Variants in HPSE2 observed in about 807,000 individuals in gnomAD.
HPSE2 encodes heparanase 2 (inactive).
HPSE2 carries 38 observed loss-of-function variants against 60.5 expected under a neutral mutation model. That is an observed-to-expected ratio of 0.63 (90% confidence interval 0.48 to 0.82). HPSE2 has a LOEUF of 0.82. Ranked by LOEUF, HPSE2 falls within the 40% of genes least tolerant of loss-of-function variation. The probability of loss-of-function intolerance (pLI) is 0.00; values close to 1 mark genes in which losing one functional copy is unlikely to be tolerated. For synonymous variants in HPSE2, 295 were observed against 293.2 expected (o/e 1.01, Z -0.06); for missense variants, 713 against 740.4 (o/e 0.96, Z 0.43).
At chr10:98,573,566 G>A (rs139338334) in intron 9 of HPSE2, among the ~76,000 whole-genome samples, 10 of 152,242 alleles carry the variant, frequency 6.6e-5, no homozygotes, top group Non-Finnish European at 1.0e-4. Context: ...GGGTGAGAGC[G>A]TTTCCCGCTT....
chr10:99,251,851 ACTCT>A, the HPSE2 span, among the ~76,000 whole-genome samples: 1 of 122,234 alleles, frequency 8.2e-6, no homozygotes, highest in Admixed American at 1.0e-4. Context: ...ATAGTGAGAT[ACTCT>A]CTCTACCAAA....
intron 2 of HPSE2, among the ~76,000 whole-genome samples, chr10:99,184,807 TATATATATATATAGAGAGAGAGAGAGAG>T (rs1418529383): frequency 8.3e-5 from 3 of 36,176 alleles, no homozygotes; most frequent in East Asian, 7.9e-4. Flanking sequence ...TATATATATA[TATATATATATATAGAGAGAGAGAGAGAG>T]AGAGAGAGAG....
intron 9 of HPSE2, among the ~76,000 whole-genome samples, chr10:98,606,917 GC>G (rs1340625628): frequency 3.3e-5 from 5 of 152,118 alleles, no homozygotes; most frequent in Non-Finnish European, 7.4e-5. Flanking sequence ...ACATCGTTGT[GC>G]CCTTAATGTT....
intron 3 of HPSE2, among the ~76,000 whole-genome samples, chr10:99,024,929 A>C (rs1169869531): frequency 6.6e-6 from 1 of 152,198 alleles, no homozygotes; most frequent in African/African-American, 2.4e-5. Context: ...GAAGTTCTTC[A>C]ATCAGAAAGA....
At chr10:98,924,903 G>A (rs1954402090) in intron 3 of HPSE2, among the ~76,000 whole-genome samples, 1 of 152,192 alleles carries the variant, frequency 6.6e-6, no homozygotes, top group African/African-American at 2.4e-5. Context: ...CCACTGGGAT[G>A]GGTGACCCCC....
At chr10:98,900,490 C>A (rs1212908358) in intron 3 of HPSE2, among the ~76,000 whole-genome samples, 1 of 152,014 alleles carries the variant, frequency 6.6e-6, no homozygotes, top group Non-Finnish European at 1.5e-5. Context: ...CATGTTCATA[C>A]AAATGTATGA....
In HPSE2 at chr10:98,933,090, TGTGA is replaced by T. The variant is rs1426072796; in HGVS notation, c.611-189038_611-189035del. Among the ~76,000 whole-genome samples the T allele has an allele frequency of 2.8e-5, 4 of 144,222 alleles. 1 individual carries two copies. The highest frequency in any genetic ancestry group is 5.6e-5 in the African/African-American group (2 of 35,490). The allele number at this position is 144,222 out of a possible 152,430, so 94.6% of individuals were successfully genotyped here. ...ATTTGAGATCTTTCTAGCTTTTTGA[TGTGA>T]GTATTTAGTACTATAGATTTCCCTC... On this transcript the variant is annotated intron_variant, in intron 3 of 11. Coordinates refer to ENST00000370552, the MANE Select transcript of HPSE2 (RefSeq NM_021828.5).
At chr10:99,168,310 T>G (rs2133793450) in intron 2 of HPSE2, among the ~76,000 whole-genome samples, 1 of 152,330 alleles carries the variant, frequency 6.6e-6, no homozygotes, top group African/African-American at 2.4e-5. Flanking sequence ...TCATAGGTAC[T>G]TTGAGTTCTG....
chr10:98,904,876 T>C (rs1953765487), intron 3 of HPSE2, among the ~76,000 whole-genome samples: 1 of 152,192 alleles, frequency 6.6e-6, no homozygotes, highest in South Asian at 2.1e-4. Flanking sequence ...TAATCTGAAA[T>C]GACATACTCA....
chr10:98,925,645 A>T (rs1954433923), intron 3 of HPSE2, among the ~76,000 whole-genome samples: 1 of 152,160 alleles, frequency 6.6e-6, no homozygotes. Flanking sequence ...AGCACATTAG[A>T]GTTTCATGAG....
chr10:98,804,537 A>T (rs1950996364), intron 3 of HPSE2, among the ~76,000 whole-genome samples: 1 of 152,180 alleles, frequency 6.6e-6, no homozygotes, highest in Non-Finnish European at 1.5e-5. Context: ...ATGGGGCTCA[A>T]CATCATTGAT....
chr10:98,747,880 A>G (rs969247215), intron 3 of HPSE2, among the ~76,000 whole-genome samples: 1 of 152,184 alleles, frequency 6.6e-6, no homozygotes, highest in African/African-American at 2.4e-5. Context: ...CCTTCATAGC[A>G]TCTAACACAC....
At chr10:98,929,837 A>G (rs1954592335) in intron 3 of HPSE2, among the ~76,000 whole-genome samples, 1 of 143,998 alleles carries the variant, frequency 6.9e-6, no homozygotes, top group East Asian at 2.0e-4. Context: ...TGAATATTTC[A>G]TGACACAGAA....
intron 3 of HPSE2, among the ~76,000 whole-genome samples, chr10:99,037,694 C>G (rs1957641738): frequency 2.6e-5 from 4 of 151,844 alleles, no homozygotes; most frequent in Admixed American, 2.6e-4. Flanking sequence ...AGACTTGCAT[C>G]AACCAATGAT....
intron 11 of HPSE2, among the ~76,000 whole-genome samples, chr10:98,464,465 G>T (rs867037715): frequency 4.6e-5 from 7 of 152,292 alleles, no homozygotes; most frequent in Middle Eastern, 3.4e-3. Context: ...TAACTGCAAT[G>T]GATCCTTGCA....
At chr10:98,662,341 G>A (rs1412742782) in intron 6 of HPSE2, among the ~76,000 whole-genome samples, 1 of 152,098 alleles carries the variant, frequency 6.6e-6, no homozygotes, top group Non-Finnish European at 1.5e-5. Context: ...TTAATCTAGG[G>A]TTTCACAAAT....
intron 2 of HPSE2, among the ~76,000 whole-genome samples, chr10:99,191,296 C>T (rs1848214232): frequency 6.6e-6 from 1 of 152,072 alleles, no homozygotes; most frequent in South Asian, 2.1e-4. Context: ...TGACCATGAA[C>T]TGTCACCGAG....
At position 99,204,701 on chromosome 10, in the gene HPSE2, G is replaced by C. The variant is rs538374100; in HGVS notation, c.448+27647C>G. Among the ~76,000 whole-genome samples, 6 of 152,210 alleles carry C rather than the reference G, an allele frequency of 3.9e-5. No homozygotes were observed. In the South Asian group the frequency reaches 1.2e-3, roughly 32 times the overall value. On this transcript the variant is annotated intron_variant, in intron 2 of 11. Coordinates refer to ENST00000370552, the MANE Select transcript of HPSE2 (RefSeq NM_021828.5). ...AACTCCATGGGTTCAACTATATGCA[G>C]ATTTTTTGAATAAATATATGGAAAC...
intron 7 of HPSE2, among the ~76,000 whole-genome samples, chr10:98,622,711 A>T (rs1946105018): frequency 6.6e-6 from 1 of 152,208 alleles, no homozygotes; most frequent in Non-Finnish European, 1.5e-5. Flanking sequence ...TGGAAGAAAA[A>T]TCCTGAGAAT....
Sources: allele counts gnomAD v4.1 joint callset (sites outside exome capture counted in the v4.1 genomes callset), GRCh38; gene constraint gnomAD v4.1.1; transcripts MANE v1.5; gene names NCBI Gene and HGNC (gene_info 2026-07-23, HGNC 2026-07-21).